RP2: variants seen among roughly 807,000 people sequenced by gnomAD.
The protein encoded by RP2 is RP2 activator of ARL3 GTPase.
A neutral mutation model predicts 20.3 loss-of-function variants in RP2; 3 were observed. The ratio of observed to expected loss-of-function variants is 0.15; its 90% CI spans 0.07 to 0.38. The LOEUF (loss-of-function observed/expected upper bound fraction) is 0.38, where lower values mean the gene tolerates loss of function less well. Ranked by LOEUF, RP2 falls within the 10% of genes least tolerant of loss-of-function variation. RP2 has a pLI of 1.00. For missense variants in RP2, 233 were observed against 268.5 expected, an observed-to-expected ratio of 0.87 and a Z score of 0.92; for synonymous variants, 75 against 94.8, an observed-to-expected ratio of 0.79 and a Z score of 1.22.
At position 46,853,541 on chromosome X, in the gene RP2, G is replaced by T. The variant is rs371935908; in HGVS notation, c.168G>T (p.Thr56=). 5 of 1,208,943 alleles carry T rather than the reference G, an allele frequency of 4.1e-6. No individual in the cohort carries two copies. In the East Asian group the frequency reaches 1.2e-4, roughly 29 times the overall value. The change falls in exon 2 of 5, where the codon ACG becomes ACT. Residue 56 remains threonine, a synonymous_variant. Transcript: ENST00000218340. ...KDETVGRLPG[T]VAGQQFLIQD... Reference sequence around the variant, plus strand: ...AAACAGTAGGTCGCTTACCTGGGACGGTAGCAGGACAACAGTTTCTCATTC... The same window carrying T: ...AAACAGTAGGTCGCTTACCTGGGACTGTAGCAGGACAACAGTTTCTCATTC...
rs189231295 is a variant in RP2, at chrX:46,878,101, G to A, written c.969+511G>A. On this transcript the variant is annotated intron_variant, in intron 4 of 4. Transcript: ENST00000218340. ...AGAAATCATCACATGTAGGCCGGGC[G>A]CGGTGGCTCACGCCTGTAATCCCAG... is the stretch of plus-strand genomic sequence containing the variant. 1.8e-3 allele frequency among the ~76,000 whole-genome samples: 204 copies of A among 110,606 alleles called. 2 individuals are homozygous for A. The highest frequency in any genetic ancestry group is 3.1e-3 in the Non-Finnish European group (164 of 52,877).
chrX:46,853,751 A>C lies in RP2; in HGVS notation c.378A>C (p.Glu126Asp). ...QFRVRDCRKL[E>D]VFLCCATQPI... ...GTGTGCGAGATTGTAGAAAGCTGGA[A>C]GTCTTTTTGTGTTGTGCCACTCAAC... Residue 126 changes from glutamate to aspartate, a missense_variant, in exon 2 of 5, where the codon GAA becomes GAC. Physicochemically the swap from Glu to Asp is conservative, Grantham distance 45. Transcript: ENST00000218340. 1.6e-6 allele frequency: 2 copies of C among 1,212,126 alleles called. No homozygotes were observed. Among genetic ancestry groups the C allele is most frequent in the African/African-American group, 1.7e-5 (1 of 57,889 alleles).
chrX:46,846,995 C>T (rs1317675094), intron 1 of RP2, among the ~76,000 whole-genome samples: 1 of 112,028 alleles, frequency 8.9e-6, no homozygotes, highest in African/African-American at 3.2e-5. Context: ...TCCCAAAGTG[C>T]TGGCATTACA....
At chrX:46,859,635 T>C (rs967068404) in intron 2 of RP2, among the ~76,000 whole-genome samples, 2 of 112,223 alleles carry the variant, frequency 1.8e-5, no homozygotes, top group Admixed American at 9.5e-5. Context: ...ATCATGTGAC[T>C]GTACCATAAT....
At position 46,842,531 on chromosome X, in the gene RP2, G is replaced by A. The variant is rs890864932; in HGVS notation, c.102+5329G>A. Among the ~76,000 whole-genome samples, 4 of 111,521 alleles carry A rather than the reference G, an allele frequency of 3.6e-5. No homozygotes were observed. The Admixed American group carries it at 3.8e-4, about 11-fold the overall frequency. ...GTTTAAAAATAAAGTATATAATTCA[G>A]TATTTTTTAGTAAGTTCACAGGCTT... On this transcript the variant is annotated intron_variant, in intron 1 of 4. Transcript: ENST00000218340.
intron 3 of RP2, among the ~76,000 whole-genome samples, chrX:46,867,196 G>C (rs1292518935): frequency 9.0e-6 from 1 of 111,475 alleles, no homozygotes; most frequent in Non-Finnish European, 1.9e-5. Flanking sequence ...CACCTCCTGG[G>C]TTCAAGCGAT....
At chrX:46,870,998 T>C (rs1251926715) in intron 3 of RP2, among the ~76,000 whole-genome samples, 3 of 109,131 alleles carry the variant, frequency 2.7e-5, no homozygotes, top group African/African-American at 6.7e-5. Context: ...TGAAGTCTTA[T>C]TGGAGCACAG....
chrX:46,867,353 G>A (rs1374858242), intron 3 of RP2, among the ~76,000 whole-genome samples: 1 of 112,596 alleles, frequency 8.9e-6, no homozygotes, highest in East Asian at 2.8e-4. Flanking sequence ...CGCCCGCCTC[G>A]GCCTCCCAAA....
intron 3 of RP2, among the ~76,000 whole-genome samples, chrX:46,874,740 A>T (rs1194128668): frequency 1.1e-4 from 12 of 111,885 alleles, no homozygotes; most frequent in African/African-American, 3.9e-4. Flanking sequence ...GTCTATATGC[A>T]GATTTACCTA....
At chrX:46,877,679 C>A in intron 4 of RP2, 89 bp downstream of exon 4, 1 of 644,104 alleles carries the variant, frequency 1.6e-6, no homozygotes, top group East Asian at 3.5e-5. Context: ...TACTTTTGTC[C>A]CTAATGTTGC....
chrX:46,867,556 A>AAT (rs1556323129), intron 3 of RP2, among the ~76,000 whole-genome samples: 1 of 112,383 alleles, frequency 8.9e-6, no homozygotes, highest in Admixed American at 9.4e-5. Flanking sequence ...ATTAAGGTAA[A>AAT]ATATACATAC....
intron 1 of RP2, among the ~76,000 whole-genome samples, chrX:46,838,656 G>A (rs913984530): frequency 8.9e-6 from 1 of 112,068 alleles, no homozygotes; most frequent in African/African-American, 3.2e-5. Context: ...ATGACTCATC[G>A]TTTCACAATA....
At chrX:46,847,759 TACACAC>T (rs782006171) in intron 1 of RP2, among the ~76,000 whole-genome samples, 49 of 82,134 alleles carry the variant, frequency 6.0e-4, no homozygotes, top group African/African-American at 2.5e-3. Flanking sequence ...TGTGTGTATA[TACACAC>T]ATGTGTGTGT....
intron 4 of RP2, among the ~76,000 whole-genome samples, chrX:46,879,061 G>GAAAA (rs1569532463): frequency 2.3e-4 from 1 of 4,369 alleles, no homozygotes; most frequent in Non-Finnish European, 1.1e-3. Flanking sequence ...TCTACAAAAA[G>GAAAA]TAAAAAAAAA....
intron 3 of RP2, among the ~76,000 whole-genome samples, chrX:46,864,553 G>A (rs1246147109): frequency 1.8e-5 from 2 of 109,619 alleles, no homozygotes; most frequent in Non-Finnish European, 3.8e-5. Context: ...TGGGACTACA[G>A]GCGTGCACCA....
In RP2 at chrX:46,882,283, TTA is replaced by T. The variant is rs1181676753; in HGVS notation, c.*2516_*2517del. On this transcript the variant is annotated 3_prime_UTR_variant, in exon 5 of 5. Transcript: ENST00000218340. Reference sequence around the variant, plus strand: ...CTGTTTTTGTTTTGCTTCTTTATATTTATGTCTAGCTTTTATATGTAATTTAT... The same window carrying T: ...CTGTTTTTGTTTTGCTTCTTTATATTTGTCTAGCTTTTATATGTAATTTAT... 1.8e-5 allele frequency: 2 copies of T among 112,382 alleles called. No individual in the cohort carries two copies. The highest frequency in any genetic ancestry group is 1.9e-4 in the Admixed American group (2 of 10,537). The allele number at this position is 112,382 out of a possible 1,213,427, so 9.3% of individuals were successfully genotyped here. A position where few individuals can be genotyped will look rare whatever the true frequency, so the allele number is the denominator to read the frequency against.
chrX:46,881,766 C>T lies in RP2; in HGVS notation c.*1997C>T, dbSNP rs1200763693. 2 of 111,210 alleles carry T rather than the reference C, an allele frequency of 1.8e-5. No individual in the cohort carries two copies. Among genetic ancestry groups the T allele is most frequent in the Non-Finnish European group, 3.8e-5 (2 of 53,107 alleles). 9.2% of individuals were successfully genotyped at this position (111,210 alleles called of 1,213,427 possible). A position where few individuals can be genotyped will look rare whatever the true frequency, so the allele number is the denominator to read the frequency against. ...CTGGGATTACAGGTGTGAGCTACCG[C>T]GCCTGGCCATGATGATATTATTAAA... On this transcript the variant is annotated 3_prime_UTR_variant, in exon 5 of 5. Transcript: ENST00000218340.
At position 46,853,706 on chromosome X, in the gene RP2, A is replaced by G. The variant is rs1924901769; in HGVS notation, c.333A>G (p.Thr111=). Residue 111 remains threonine, a synonymous_variant, in exon 2 of 5, where the codon ACA becomes ACG. Coordinates refer to ENST00000218340, the MANE Select transcript of RP2 (RefSeq NM_006915.3). ...FFRNCRDCKC[T]LACQQFRVRD... ...GGAATTGCAGAGATTGCAAGTGCAC[A>G]TTAGCCTGCCAACAATTTCGTGTGC... The G allele has an allele frequency of 7.4e-6, 9 of 1,210,541 alleles. No individual in the cohort carries two copies. Among genetic ancestry groups the G allele is most frequent in the Admixed American group, 2.2e-5 (1 of 45,738 alleles).
intron 1 of RP2, among the ~76,000 whole-genome samples, chrX:46,845,405 GACTTAACAATGTTTAA>G (rs1924699611): frequency 8.9e-6 from 1 of 112,204 alleles, no homozygotes; most frequent in South Asian, 3.6e-4. Flanking sequence ...CCCTGAAGCT[GACTTAACAATGTTTAA>G]ACTTTAAGTA....
Sources: allele counts gnomAD v4.1 joint callset (sites outside exome capture counted in the v4.1 genomes callset), GRCh38; gene constraint gnomAD v4.1.1; transcripts MANE v1.5; gene names NCBI Gene and HGNC (gene_info 2026-07-23, HGNC 2026-07-21).